Variants in EP300 observed in about 807,000 individuals in gnomAD.
EP300 encodes histone acetyltransferase p300.
EP300 carries 31 observed loss-of-function variants against 264.0 expected under a neutral mutation model. The ratio of observed to expected loss-of-function variants is 0.12; its 90% CI spans 0.09 to 0.16. EP300 has a LOEUF of 0.16. Among genes scored for constraint, EP300 ranks in the 10% least tolerant of loss-of-function variants. The pLI is 1.00. For synonymous variants in EP300, 1,340 were observed against 1,045.4 expected, an observed-to-expected ratio of 1.28 and a Z score of -5.44; for missense variants, 2,766 against 3,052.9, an observed-to-expected ratio of 0.91 and a Z score of 2.21.
Position 41,178,548 on chromosome 22 carries a change from C to T in EP300, c.6837C>T (p.Ser2279=), listed in dbSNP as rs2145522507. 1.2e-6 allele frequency: 2 copies of T among 1,613,892 alleles called. No homozygotes were observed. Among genetic ancestry groups the T allele is most frequent in the Non-Finnish European group, 1.7e-6 (2 of 1,179,966 alleles). The change falls in exon 31 of 31, where the codon AGC becomes AGT. Residue 2279 remains serine, a synonymous_variant. Coordinates refer to ENST00000263253, the MANE Select transcript of EP300 (RefSeq NM_001429.4). ...CCCCTGTTCAGCCCAACCCCATGAG[C>T]CCCCAGCAGCATATGCTCCCAAATC... The part of the protein sequence containing the change: ...MGSPVQPNPM[S]PQQHMLPNQA...
intron 23 of EP300, 61 bp downstream of exon 23, chr22:41,166,727 C>G (rs1345010540): frequency 8.7e-7 from 1 of 1,144,012 alleles, no homozygotes; most frequent in Non-Finnish European, 1.3e-6. Context: ...GATAAGAAAC[C>G]ATCCAAAGTG....
At chr22:41,143,904 A>G (rs913323348) in intron 10 of EP300, among the ~76,000 whole-genome samples, 1 of 152,206 alleles carries the variant, frequency 6.6e-6, no homozygotes, top group East Asian at 1.9e-4. Context: ...GTTTTAATAC[A>G]AAGAATACAG....
chr22:41,111,767 C>T (rs905293815), intron 1 of EP300, among the ~76,000 whole-genome samples: 5 of 151,616 alleles, frequency 3.3e-5, no homozygotes, highest in South Asian at 4.2e-4. Context: ...CTCGAACACC[C>T]GACCTCAGGT....
chr22:41,121,964 T>G (rs1304440239), intron 2 of EP300, among the ~76,000 whole-genome samples: 1 of 152,072 alleles, frequency 6.6e-6, no homozygotes, highest in Non-Finnish European at 1.5e-5. Flanking sequence ...TAGGTATGGA[T>G]ATTATTGGAG....
chr22:41,117,701 G>A lies in EP300; in HGVS notation c.609G>A (p.Gln203=), dbSNP rs2145697551. 2.5e-6 allele frequency: 4 copies of A among 1,614,228 alleles called. No individual in the cohort carries two copies. Among genetic ancestry groups the A allele is most frequent in the South Asian group, 1.1e-5 (1 of 91,086 alleles). The change falls in exon 2 of 31, where the codon CAG becomes CAA. Residue 203 remains glutamine (Q), a synonymous_variant. Coordinates refer to ENST00000263253, the MANE Select transcript of EP300 (RefSeq NM_001429.4). ...CAATTGGAGCAGGCCGAGGGCGACAGAATATGCAGTACCCAAACCCAGGCA... is the reference window on the plus strand; with the variant it reads ...CAATTGGAGCAGGCCGAGGGCGACAAAATATGCAGTACCCAAACCCAGGCA... ...NGSIGAGRGR[Q]NMQYPNPGMG... is the part of the protein sequence containing the mutation.
chr22:41,101,264 A>T (rs2058730249), intron 1 of EP300, among the ~76,000 whole-genome samples: 1 of 151,478 alleles, frequency 6.6e-6, no homozygotes, highest in African/African-American at 2.4e-5. Flanking sequence ...TAGTAGAGAT[A>T]GGGTTTCACC....
chr22:41,146,639 GTAT>G (rs918035236), intron 10 of EP300, 97 bp from the exon 11 acceptor site: 4 of 971,656 alleles, frequency 4.1e-6, no homozygotes, highest in Admixed American at 3.7e-5. Context: ...ATTTTCAAAG[GTAT>G]TATTAAAAAT....
At chr22:41,135,575 T>C (rs2058945954) in intron 6 of EP300, among the ~76,000 whole-genome samples, 1 of 152,106 alleles carries the variant, frequency 6.6e-6, no homozygotes, top group African/African-American at 2.4e-5. Flanking sequence ...CTTTTTTTTT[T>C]TAAGTTATGT....
At chr22:41,154,613 G>C (rs976215480) in intron 16 of EP300, among the ~76,000 whole-genome samples, 25 of 152,050 alleles carry the variant, frequency 1.6e-4, no homozygotes, top group Non-Finnish European at 2.4e-4. Flanking sequence ...ACCTCAAAGT[G>C]ATCTGCCCAC....
chr22:41,123,834 T>C (rs968282075), intron 2 of EP300, among the ~76,000 whole-genome samples: 1 of 152,258 alleles, frequency 6.6e-6, no homozygotes, highest in Non-Finnish European at 1.5e-5. Context: ...TGCATTTTTA[T>C]AACTTTCATT....
intron 5 of EP300, among the ~76,000 whole-genome samples, chr22:41,130,444 G>A (rs563310602): frequency 8.5e-5 from 13 of 152,098 alleles, no homozygotes; most frequent in African/African-American, 3.1e-4. Flanking sequence ...TGAGAGGATT[G>A]CTTGAATCCA....
At chr22:41,172,865 A>T (rs567339762) in intron 28 of EP300, among the ~76,000 whole-genome samples, 1 of 152,356 alleles carries the variant, frequency 6.6e-6, no homozygotes, top group Middle Eastern at 3.4e-3. Context: ...CCCCTTTTAA[A>T]ATGGCATCTC....
In EP300 at chr22:41,168,481, G is replaced by C; in HGVS notation, c.3907G>C (p.Glu1303Gln). 1 of 1,614,224 alleles carries C rather than the reference G, an allele frequency of 6.2e-7. No homozygotes were observed. The highest frequency in any genetic ancestry group is 1.1e-5 in the South Asian group (1 of 91,078). The change falls in exon 24 of 31, where the codon GAG becomes CAG. Residue 1303 changes from glutamate to glutamine, a missense_variant. Transcript: ENST00000263253. Reference protein sequence around the residue: ...LPSTRLGTFLENRVNDFLRRQ... With the variant: ...LPSTRLGTFLQNRVNDFLRRQ... ...ATCTACCAGACTTGGCACCTTTCTA[G>C]AGAATCGTGTGAATGACTTTCTGAG...
In EP300 at chr22:41,179,597, A is replaced by G. The variant is rs920805459; in HGVS notation, c.*641A>G. ...ACTTTTGTGCTCCAGAAAATTTTCT[A>G]TTCTGTAAGTCTGAGCGTAAAACTT... On this transcript the variant is annotated 3_prime_UTR_variant, in exon 31 of 31. Coordinates refer to ENST00000263253, the MANE Select transcript of EP300 (RefSeq NM_001429.4). 3 of 210,920 alleles carry G rather than the reference A, an allele frequency of 1.4e-5. No individual in the cohort carries two copies. The highest frequency in any genetic ancestry group is 2.9e-5 in the Non-Finnish European group (3 of 104,800). The allele number at this position is 210,920 out of a possible 1,614,324, so 13.1% of individuals were successfully genotyped here. A position where few individuals can be genotyped will look rare whatever the true frequency, so the allele number is the denominator to read the frequency against.
At position 41,179,365 on chromosome 22, in the gene EP300, T is replaced by C; in HGVS notation, c.*409T>C. On this transcript the variant is annotated 3_prime_UTR_variant, in exon 31 of 31. Coordinates refer to ENST00000263253, the MANE Select transcript of EP300 (RefSeq NM_001429.4). ...TGCAGATGGTTGACATTTTTCCCTA[T>C]TTTCCTCACTTTATGGAAGAGTTAA... 1 of 219,628 alleles carries C rather than the reference T, an allele frequency of 4.6e-6. No homozygotes were observed. Among genetic ancestry groups the C allele is most frequent in the African/African-American group, 2.3e-5 (1 of 44,122 alleles). The allele number at this position is 219,628 out of a possible 1,614,324, so 13.6% of individuals were successfully genotyped here.
rs1254571486 is a variant in EP300 at position 41,178,011 on chromosome 22, C to T, written c.6300C>T (p.Ile2100=). ...AKYANSNPQP[I]PGQPGMPQGQ... The stretch of plus-strand genomic sequence containing the variant: ...ATGCCAACTCTAATCCACAACCCAT[C>T]CCTGGGCAGCCTGGCATGCCCCAGG... The change falls in exon 31 of 31, where the codon ATC becomes ATT. Residue 2100 remains isoleucine (I), a synonymous_variant. Coordinates refer to ENST00000263253, the MANE Select transcript of EP300 (RefSeq NM_001429.4). The T allele has an allele frequency of 3.0e-5, 48 of 1,614,206 alleles. No homozygotes were observed. Among genetic ancestry groups the T allele is most frequent in the Non-Finnish European group, 4.0e-5 (47 of 1,180,042 alleles).
rs545071626 is a variant in EP300, at chr22:41,106,550, C to G, written c.95-10637C>G. Reference sequence around the variant, plus strand: ...TGTTCCACTCTTCATCTGTCAAGCTCCTACTCATCCTGTGGACTCAACCAC... The same window carrying G: ...TGTTCCACTCTTCATCTGTCAAGCTGCTACTCATCCTGTGGACTCAACCAC... On this transcript the variant is annotated intron_variant, in intron 1 of 30. Transcript: ENST00000263253. 3.3e-5 allele frequency among the ~76,000 whole-genome samples: 5 copies of G among 152,260 alleles called. No homozygotes were observed. In the South Asian group the frequency reaches 1.0e-3, roughly 32 times the overall value.
rs2145756230 is a variant in EP300, at chr22:41,163,914, A to G, written c.3729-139A>G. On this transcript the variant is annotated intron_variant, in intron 21 of 30. Coordinates refer to ENST00000263253, the MANE Select transcript of EP300 (RefSeq NM_001429.4). ...TACAACAGAGACCCTATCTCTAAAA[A>G]AATAGAAACTTTATTAAAACTATTT... The G allele has an allele frequency of 9.6e-6, 8 of 830,802 alleles. No homozygotes were observed. In the East Asian group the frequency reaches 2.1e-4, roughly 22 times the overall value. 51.5% of individuals were successfully genotyped at this position (830,802 alleles called of 1,614,324 possible).
At chr22:41,120,551 T>G (rs747817531) in intron 2 of EP300, among the ~76,000 whole-genome samples, 2 of 152,210 alleles carry the variant, frequency 1.3e-5, no homozygotes. Flanking sequence ...ACCGTTCTTG[T>G]CATGGATGAA....
Sources: allele counts gnomAD v4.1 joint callset (sites outside exome capture counted in the v4.1 genomes callset), GRCh38; gene constraint gnomAD v4.1.1; transcripts MANE v1.5; gene names NCBI Gene and HGNC (gene_info 2026-07-23, HGNC 2026-07-21).